Variants in PDK3 observed in about 807,000 individuals in gnomAD.
PDK3 encodes the protein pyruvate dehydrogenase kinase, isozyme 3.
Under a neutral mutation model 32.0 loss-of-function variants are expected in PDK3, and 12 were observed. The observed-to-expected ratio is 0.37, with a 90% CI of 0.24 to 0.61. The LOEUF is 0.61. PDK3 is among the 20% of genes least tolerant of loss of function. The pLI is 0.65. For synonymous variants in PDK3, 122 were observed against 116.3 expected (o/e 1.05, Z -0.31); for missense variants, 188 against 316.9 (o/e 0.59, Z 3.09).
At chrX:24,547,590 C>T (rs367710517) in exon 12 of PDK3, 7 of 112,002 alleles carry the variant, frequency 6.2e-5, no homozygotes, top group Non-Finnish European at 1.1e-4. Flanking sequence ...TACATAGAGA[C>T]GTATTTTGGA....
At chrX:24,496,568 C>CTGGTTTTTTTTTTTTTTT (rs1921708460) in intron 2 of PDK3, among the ~76,000 whole-genome samples, 1 of 39,324 alleles carries the variant, frequency 2.5e-5, no homozygotes, top group South Asian at 1.9e-3. Context: ...CTACCCCCAT[C>CTGGTTTTTTTTTTTTTTT]TTTTTTTTTT....
intron 1 of PDK3, among the ~76,000 whole-genome samples, chrX:24,483,545 T>C (rs1294148144): frequency 8.9e-6 from 1 of 112,295 alleles, no homozygotes; most frequent in Non-Finnish European, 1.9e-5. Flanking sequence ...CTTCTCATGA[T>C]TTTAAGGATT....
intron 5 of PDK3, among the ~76,000 whole-genome samples, chrX:24,515,638 C>T (rs1294574092): frequency 8.9e-6 from 1 of 111,887 alleles, no homozygotes; most frequent in African/African-American, 3.2e-5. Context: ...TGTGCTTTCA[C>T]GTCACTAGGT....
At chrX:24,512,234 T>C (rs893362540) in intron 5 of PDK3, among the ~76,000 whole-genome samples, 10 of 111,988 alleles carry the variant, frequency 8.9e-5, no homozygotes, top group African/African-American at 3.2e-4. Flanking sequence ...GGAAATAAAA[T>C]GGAAAATCCT....
At chrX:24,492,076 T>C (rs1921576676) in intron 1 of PDK3, among the ~76,000 whole-genome samples, 1 of 112,468 alleles carries the variant, frequency 8.9e-6, no homozygotes, top group Non-Finnish European at 1.9e-5. Context: ...GCAAAGTATT[T>C]TTCCTGGCAT....
exon 12 of PDK3, chrX:24,549,621 G>T (rs1335436242): frequency 9.0e-6 from 1 of 111,720 alleles, no homozygotes; most frequent in African/African-American, 3.3e-5. Context: ...AACTGGAGTT[G>T]TGCTTGAGTC....
chrX:24,533,784 T>C, intron 10 of PDK3, 145 bp from the exon 11 acceptor site: 1 of 600,955 alleles, frequency 1.7e-6, no homozygotes, highest in South Asian at 5.3e-5. Flanking sequence ...CCAGTCTAAG[T>C]AAACTACTAA....
chrX:24,525,025 C>T (rs773756077), intron 6 of PDK3, among the ~76,000 whole-genome samples: 7 of 110,411 alleles, frequency 6.3e-5, no homozygotes, highest in East Asian at 2.8e-4. Flanking sequence ...GGAGTGGCGG[C>T]GCACACCTGT....
intron 1 of PDK3, among the ~76,000 whole-genome samples, chrX:24,466,893 A>C (rs928388023): frequency 1.8e-5 from 2 of 112,200 alleles, no homozygotes; most frequent in African/African-American, 3.2e-5. Context: ...CAAGTTTTCC[A>C]TCTTTATGGT....
intron 1 of PDK3, among the ~76,000 whole-genome samples, chrX:24,493,906 G>GT (rs1336893900): frequency 8.9e-6 from 1 of 112,049 alleles, no homozygotes; most frequent in African/African-American, 3.2e-5. Flanking sequence ...AGGGCTGGGG[G>GT]TTGCAGGCCA....
rs200476089 is a variant in PDK3, at chrX:24,470,711, G to A, written c.106+5150G>A. 5.4e-3 allele frequency among the ~76,000 whole-genome samples: 329 copies of A among 60,426 alleles called. 2 individuals are homozygous for A. Among genetic ancestry groups the A allele is most frequent in the Middle Eastern group, 0.038 (4 of 106 alleles). The allele number at this position is 60,426 out of a possible 115,157, so 52.5% of individuals were successfully genotyped here. A position where few individuals can be genotyped will look rare whatever the true frequency, so the allele number is the denominator to read the frequency against. ...TCAAAAAAAAAAAAAAAAAAAAAAA[G>A]AAGAAAAGAAAAAAAGAAAATTATC... On this transcript the variant is annotated intron_variant, in intron 1 of 10. Coordinates refer to ENST00000379162, the MANE Select transcript of PDK3 (RefSeq NM_005391.5).
At chrX:24,471,245 A>G (rs1920988646) in intron 1 of PDK3, among the ~76,000 whole-genome samples, 1 of 112,046 alleles carries the variant, frequency 8.9e-6, no homozygotes, top group Admixed American at 9.4e-5. Flanking sequence ...GTTTATTTCA[A>G]TGTTTAAGGT....
chrX:24,513,218 G>T (rs975933440), intron 5 of PDK3, among the ~76,000 whole-genome samples: 13 of 111,408 alleles, frequency 1.2e-4, no homozygotes, highest in African/African-American at 3.9e-4. Flanking sequence ...GGTTTGGAGC[G>T]TGAGGTGTGG....
chrX:24,510,596 G>A (rs112740364), intron 5 of PDK3, among the ~76,000 whole-genome samples: 5,248 of 111,791 alleles, frequency 0.047, 303 homozygotes, highest in African/African-American at 0.16. Context: ...GAAATCCATA[G>A]TATTTTTGAA....
intron 1 of PDK3, among the ~76,000 whole-genome samples, chrX:24,474,382 A>ATTTT (rs201347399): frequency 1.4e-3 from 124 of 90,754 alleles, no homozygotes; most frequent in Middle Eastern, 6.0e-3. Flanking sequence ...ATATAAGTTT[A>ATTTT]TTTTATTTAT....
intron 1 of PDK3, among the ~76,000 whole-genome samples, chrX:24,480,293 G>A (rs1015705249): frequency 8.9e-6 from 1 of 112,533 alleles, no homozygotes; most frequent in East Asian, 2.8e-4. Flanking sequence ...AAACTCAAAG[G>A]TGAAAATAAA....
intron 1 of PDK3, among the ~76,000 whole-genome samples, chrX:24,476,201 CTG>C (rs1025455078): frequency 4.6e-5 from 5 of 109,875 alleles, no homozygotes; most frequent in South Asian, 3.8e-4. Flanking sequence ...AATTAATAGA[CTG>C]TTTTTTAAAA....
intron 2 of PDK3, among the ~76,000 whole-genome samples, chrX:24,496,174 A>T: frequency 9.0e-6 from 1 of 111,182 alleles, no homozygotes; most frequent in East Asian, 2.8e-4. Context: ...GAAGGGTTGT[A>T]AAACTGGTAG....
At chrX:24,515,448 A>G (rs1922231495) in intron 5 of PDK3, among the ~76,000 whole-genome samples, 1 of 112,561 alleles carries the variant, frequency 8.9e-6, no homozygotes, top group African/African-American at 3.2e-5. Context: ...ATGAGGAATT[A>G]GCACATTTAG....
Sources: gnomAD v4.1 joint callset for allele counts (sites outside exome capture counted in the v4.1 genomes callset) on GRCh38, gnomAD v4.1.1 for gene constraint, MANE v1.5 for transcripts, NCBI Gene and HGNC (gene_info 2026-07-23, HGNC 2026-07-21) for gene names.